KATNBL1: variants seen among roughly 807,000 people sequenced by gnomAD.
The protein encoded by KATNBL1 is KATNB1-like protein 1.
Under a neutral mutation model 44.7 loss-of-function variants are expected in KATNBL1, and 28 were observed. The ratio of observed to expected loss-of-function variants is 0.63; its 90% CI spans 0.46 to 0.86. KATNBL1 has a LOEUF of 0.86. Ranked by LOEUF, KATNBL1 falls within the 40% of genes least tolerant of loss-of-function variation. The pLI, the probability that KATNBL1 is intolerant of heterozygous loss-of-function variation, is 0.00. For missense variants in KATNBL1, 272 were observed against 350.7 expected (o/e 0.78, Z 1.79); for synonymous variants, 78 against 114.9 (o/e 0.68, Z 2.06).
At chr15:34,169,348 G>C (rs1889085252) in intron 1 of KATNBL1, among the ~76,000 whole-genome samples, 1 of 152,116 alleles carries the variant, frequency 6.6e-6, no homozygotes, top group African/African-American at 2.4e-5. Flanking sequence ...AGAAGAAATG[G>C]ATAAATTCCT....
Position 34,148,669 on chromosome 15 carries a change from T to C in KATNBL1, c.520A>G (p.Lys174Glu). Residue 174 changes from lysine to glutamate, a missense_variant, in exon 5 of 10, where the codon AAG becomes GAG. Around this residue, in one of 3 missense-constraint regions of KATNBL1, gnomAD observed 111 missense variants for 149.3 expected, o/e 0.74. Coordinates refer to ENST00000256544, the MANE Select transcript of KATNBL1 (RefSeq NM_024713.3). ...RLNVALTFWR[K>E]RSISELVAYL... ...GCTACAAGTTCACTTATACTTCTCT[T>C]TCTCCAGAAAGTTAAAGCTACATTC... 6.2e-7 allele frequency: 1 copy of C among 1,608,846 alleles called. No individual in the cohort carries two copies. The highest frequency in any genetic ancestry group is 8.5e-7 in the Non-Finnish European group (1 of 1,175,332).
chr15:34,162,978 C>T (rs2140929693), intron 2 of KATNBL1, among the ~76,000 whole-genome samples: 1 of 151,790 alleles, frequency 6.6e-6, no homozygotes, highest in Admixed American at 6.6e-5. Context: ...CACAAAGCAC[C>T]TCTGGAATTC....
Position 34,152,990 on chromosome 15 carries a change from G to C in KATNBL1, c.238C>G (p.Pro80Ala). The change falls in exon 4 of 10, where the codon CCA becomes GCA. Residue 80 changes from proline to alanine, a missense_variant. Physicochemically the swap from Pro to Ala is conservative, Grantham distance 27 (BLOSUM62 -1). This residue lies in a region of KATNBL1 where 122 missense variants were observed against 125.0 expected (regional missense o/e 0.98). Coordinates refer to ENST00000256544, the MANE Select transcript of KATNBL1 (RefSeq NM_024713.3). The stretch of plus-strand genomic sequence containing the variant: ...TGTTTTTTTCTGTAACAAGGATTTG[G>C]AAAGGGATGATGAACTTTCTTTCTG... ...YRRKKVHHPF[P>A]NPCYRKKQSP... The C allele has an allele frequency of 1.2e-6, 2 of 1,613,968 alleles. No homozygotes were observed. Among genetic ancestry groups the C allele is most frequent in the Non-Finnish European group, 1.7e-6 (2 of 1,179,818 alleles).
chr15:34,174,548 T>C (rs1388080041), intron 1 of KATNBL1, among the ~76,000 whole-genome samples: 2 of 152,066 alleles, frequency 1.3e-5, no homozygotes, highest in Admixed American at 1.3e-4. Flanking sequence ...ATTGATGGAG[T>C]AAATTCAGAA....
intron 1 of KATNBL1, among the ~76,000 whole-genome samples, chr15:34,181,606 CCATATATATACACAT>C (rs1889533996): frequency 4.1e-5 from 1 of 24,476 alleles, no homozygotes; most frequent in Non-Finnish European, 1.6e-4. Flanking sequence ...ATATATATGT[CCATATATATACACAT>C]ATATATGTCC....
chr15:34,170,191 C>G (rs542673499), intron 1 of KATNBL1, among the ~76,000 whole-genome samples: 7 of 152,290 alleles, frequency 4.6e-5, no homozygotes, highest in African/African-American at 1.4e-4. Flanking sequence ...TAGAAAACCC[C>G]ATCATCTCAG....
intron 1 of KATNBL1, among the ~76,000 whole-genome samples, chr15:34,173,554 A>G (rs1188859922): frequency 6.6e-6 from 1 of 151,868 alleles, no homozygotes; most frequent in Non-Finnish European, 1.5e-5. Flanking sequence ...AGGATAAACC[A>G]AAAAAAAGAA....
chr15:34,203,248 T>C (rs1418178963), intron 1 of KATNBL1, among the ~76,000 whole-genome samples: 1 of 152,178 alleles, frequency 6.6e-6, no homozygotes, highest in Non-Finnish European at 1.5e-5. Context: ...CCTTGATTTC[T>C]TTTTTCCTTA....
At chr15:34,183,352 G>A (rs913896906) in intron 1 of KATNBL1, among the ~76,000 whole-genome samples, 3 of 152,142 alleles carry the variant, frequency 2.0e-5, no homozygotes, top group Non-Finnish European at 4.4e-5. Context: ...GCCCCTCCCA[G>A]CTCTCTGGAA....
intron 5 of KATNBL1, among the ~76,000 whole-genome samples, chr15:34,147,834 T>C (rs974052734): frequency 4.6e-5 from 7 of 152,134 alleles, no homozygotes; most frequent in Admixed American, 1.3e-4. Context: ...ATGCTTCAAA[T>C]TCCCACTCAA....
chr15:34,162,419 C>T (rs1454964512), intron 2 of KATNBL1, among the ~76,000 whole-genome samples: 2 of 152,162 alleles, frequency 1.3e-5, no homozygotes, highest in Non-Finnish European at 2.9e-5. Flanking sequence ...GCCTTTCTAG[C>T]CACATGGAAC....
rs192609582 is a variant in KATNBL1 at position 34,165,065 on chromosome 15, G to A, written c.-14-1375C>T. ...TGTATCCCAGGTTAAGAAACCTCTAGAGTGAGATTTTTTGAAAAGTAAATA... is the reference window on the plus strand; with the variant it reads ...TGTATCCCAGGTTAAGAAACCTCTAAAGTGAGATTTTTTGAAAAGTAAATA... On this transcript the variant is annotated intron_variant, in intron 1 of 9. Coordinates refer to ENST00000256544, the MANE Select transcript of KATNBL1 (RefSeq NM_024713.3). Among the ~76,000 whole-genome samples, 206 of 152,316 alleles carry A rather than the reference G, an allele frequency of 1.4e-3. 1 individual carries two copies. Among genetic ancestry groups the A allele is most frequent in the Non-Finnish European group, 2.4e-3 (160 of 68,032 alleles).
intron 1 of KATNBL1, among the ~76,000 whole-genome samples, chr15:34,184,249 T>G (rs1437794459): frequency 6.7e-6 from 1 of 149,234 alleles, no homozygotes; most frequent in Non-Finnish European, 1.5e-5. Context: ...GAGCTTGCAG[T>G]GAGCCGAGAT....
At chr15:34,153,485 T>C (rs926091097) in intron 3 of KATNBL1, among the ~76,000 whole-genome samples, 3 of 152,248 alleles carry the variant, frequency 2.0e-5, no homozygotes, top group Non-Finnish European at 2.9e-5. Flanking sequence ...AAGAACACGA[T>C]AGAGCAAGCC....
At chr15:34,173,759 G>A (rs1259513289) in intron 1 of KATNBL1, among the ~76,000 whole-genome samples, 1 of 152,120 alleles carries the variant, frequency 6.6e-6, no homozygotes, top group African/African-American at 2.4e-5. Flanking sequence ...AGAGGAGATG[G>A]AGACAACTGG....
chr15:34,167,658 GT>G (rs1318824162), intron 1 of KATNBL1, among the ~76,000 whole-genome samples: 1 of 152,134 alleles, frequency 6.6e-6, no homozygotes, highest in Non-Finnish European at 1.5e-5. Context: ...ACTCACTAAG[GT>G]TGAAATGAAG....
At chr15:34,148,133 G>T (rs1888364473) in intron 5 of KATNBL1, among the ~76,000 whole-genome samples, 1 of 152,132 alleles carries the variant, frequency 6.6e-6, no homozygotes, top group African/African-American at 2.4e-5. Flanking sequence ...TTATAGGCAA[G>T]AACTGCCACA....
intron 9 of KATNBL1, among the ~76,000 whole-genome samples, chr15:34,143,348 C>G (rs1235695742): frequency 6.6e-6 from 1 of 151,888 alleles, no homozygotes; most frequent in Admixed American, 6.6e-5. Flanking sequence ...GTGTGTAATC[C>G]CAGCTACTCG....
chr15:34,207,777 A>AT (rs1237016272), intron 1 of KATNBL1, among the ~76,000 whole-genome samples: 1 of 151,926 alleles, frequency 6.6e-6, no homozygotes, highest in Non-Finnish European at 1.5e-5. Flanking sequence ...AATATTTTAA[A>AT]TTTTTTGTAG....
Sources: allele counts gnomAD v4.1 joint callset (sites outside exome capture counted in the v4.1 genomes callset), GRCh38; gene constraint gnomAD v4.1.1; regional missense constraint gnomAD v4.1.1; transcripts MANE v1.5; gene names NCBI Gene and HGNC (gene_info 2026-07-23, HGNC 2026-07-21).